HIPK2: variants seen among roughly 807,000 people sequenced by gnomAD.
HIPK2 encodes the protein homeodomain-interacting protein kinase 2.
In HIPK2, 27 loss-of-function variants were observed where a neutral mutation model predicts 113.7. The ratio of observed to expected loss-of-function variants is 0.24; its 90% confidence interval spans 0.17 to 0.33. The LOEUF is 0.33. HIPK2 is among the 10% of genes least tolerant of loss of function. The pLI is 1.00. For synonymous variants in HIPK2, 631 were observed against 642.2 expected, an observed-to-expected ratio of 0.98 and a Z score of 0.26; for missense variants, 1,257 against 1,588.0, an observed-to-expected ratio of 0.79 and a Z score of 3.54.
At chr7:139,594,557 T>C (rs991751074) in intron 12 of HIPK2, among the ~76,000 whole-genome samples, 1 of 152,354 alleles carries the variant, frequency 6.6e-6, no homozygotes, top group Admixed American at 6.5e-5. Flanking sequence ...TGTTTTATCC[T>C]ACTCAGACTC....
intron 12 of HIPK2, among the ~76,000 whole-genome samples, chr7:139,589,293 G>C (rs188989043): frequency 3.7e-4 from 57 of 152,216 alleles, no homozygotes; most frequent in African/African-American, 9.1e-4. Flanking sequence ...CCCTAATCTG[G>C]AGAGGAAAGA....
In HIPK2 at chr7:139,592,914, T is replaced by C. The variant is rs556780735; in HGVS notation, c.2717+3803A>G. 1.1e-4 allele frequency among the ~76,000 whole-genome samples: 17 copies of C among 152,336 alleles called. No homozygotes were observed. In the South Asian group the frequency reaches 3.3e-3, roughly 30 times the overall value. On this transcript the variant is annotated intron_variant, in intron 12 of 14. Transcript: ENST00000406875. Reference sequence around the variant, plus strand: ...AGTAATTCACTGAAAAGGAGTTCCCTGGCTCTTCCCTGCCCTTCTTACTTT... The same window carrying C: ...AGTAATTCACTGAAAAGGAGTTCCCCGGCTCTTCCCTGCCCTTCTTACTTT...
intron 1 of HIPK2, among the ~76,000 whole-genome samples, chr7:139,772,765 T>TTG (rs1554460156): frequency 5.3e-5 from 8 of 151,626 alleles, no homozygotes; most frequent in African/African-American, 1.9e-4. Flanking sequence ...TTTTTTTTTT[T>TTG]TTGTATTTTT....
intron 2 of HIPK2, among the ~76,000 whole-genome samples, chr7:139,691,226 G>A (rs1050083396): frequency 3.9e-5 from 6 of 152,154 alleles, no homozygotes; most frequent in Non-Finnish European, 8.8e-5. Flanking sequence ...TGGTTTATAT[G>A]TCTCTATAGT....
intron 1 of HIPK2, among the ~76,000 whole-genome samples, chr7:139,757,581 T>C (rs1441997812): frequency 6.6e-6 from 1 of 152,164 alleles, no homozygotes; most frequent in Admixed American, 6.5e-5. Context: ...TGGATGAACC[T>C]TGATAACAAG....
chr7:139,695,248 C>T (rs957964077), intron 2 of HIPK2, among the ~76,000 whole-genome samples: 22 of 152,340 alleles, frequency 1.4e-4, no homozygotes, highest in Admixed American at 2.0e-4. Context: ...AGGCTGCTTG[C>T]GGGCCGATTC....
intron 6 of HIPK2, among the ~76,000 whole-genome samples, chr7:139,622,588 C>G (rs1352761617): frequency 6.6e-6 from 1 of 152,180 alleles, no homozygotes; most frequent in Non-Finnish European, 1.5e-5. Flanking sequence ...AAATTGTGCA[C>G]TGGAATCCTG....
chr7:139,645,828 G>A (rs778672138), intron 2 of HIPK2, among the ~76,000 whole-genome samples: 7 of 152,154 alleles, frequency 4.6e-5, no homozygotes, highest in Non-Finnish European at 7.3e-5. Context: ...CAGCACTCCT[G>A]GTTAGGACCT....
intron 13 of HIPK2, chr7:139,583,493 C>A: frequency 3.6e-6 from 1 of 275,236 alleles, no homozygotes; most frequent in Non-Finnish European, 7.0e-6. Context: ...CAGGAACTCC[C>A]CAGACCAGGT....
intron 1 of HIPK2, among the ~76,000 whole-genome samples, chr7:139,739,983 TCC>T (rs1796052322): frequency 6.6e-6 from 1 of 152,228 alleles, no homozygotes; most frequent in African/African-American, 2.4e-5. Context: ...GGGCTGCTTC[TCC>T]TTTTCGCTGC....
intron 9 of HIPK2, among the ~76,000 whole-genome samples, chr7:139,605,361 C>G (rs897154198): frequency 2.0e-5 from 3 of 152,034 alleles, no homozygotes; most frequent in Non-Finnish European, 4.4e-5. Context: ...AAGTTGGACA[C>G]TTAAAGCATA....
chr7:139,652,928 A>G (rs1048447518), intron 2 of HIPK2, among the ~76,000 whole-genome samples: 1 of 152,012 alleles, frequency 6.6e-6, no homozygotes, highest in African/African-American at 2.4e-5. Flanking sequence ...GGATCATTTG[A>G]GGTCAGGAGT....
intron 9 of HIPK2, among the ~76,000 whole-genome samples, chr7:139,608,740 G>C (rs28380464): frequency 0.25 from 38,209 of 152,024 alleles, 6,869 homozygotes; most frequent in African/African-American, 0.52. Context: ...TATTCTCTAA[G>C]AATATCAGGT....
intron 1 of HIPK2, among the ~76,000 whole-genome samples, chr7:139,732,845 A>G (rs950971290): frequency 7.1e-6 from 1 of 140,086 alleles, no homozygotes; most frequent in Admixed American, 7.2e-5. Context: ...GTGTGTGTGT[A>G]TAAAATAGTG....
At chr7:139,668,613 G>GTGTC (rs1802145538) in intron 2 of HIPK2, among the ~76,000 whole-genome samples, 1 of 152,020 alleles carries the variant, frequency 6.6e-6, no homozygotes, top group African/African-American at 2.4e-5. Context: ...ATTTAACTGG[G>GTGTC]TGTCTGGTGA....
chr7:139,695,784 G>A (rs966065316), intron 2 of HIPK2, among the ~76,000 whole-genome samples: 7 of 152,212 alleles, frequency 4.6e-5, no homozygotes, highest in Non-Finnish European at 1.0e-4. Flanking sequence ...ACTCAGGGAT[G>A]AAATGGCTAC....
At chr7:139,704,845 T>C (rs1378165270) in intron 2 of HIPK2, among the ~76,000 whole-genome samples, 1 of 152,078 alleles carries the variant, frequency 6.6e-6, no homozygotes. Flanking sequence ...ACTACAGGAC[T>C]CTAGCGTTGC....
At position 139,626,875 on chromosome 7, in the gene HIPK2, C is replaced by A. The variant is rs1800451054; in HGVS notation, c.1435-90G>T. 5 of 1,416,944 alleles carry A rather than the reference C, an allele frequency of 3.5e-6. No homozygotes were observed. The Admixed American group carries it at 6.9e-5, about 20-fold the overall frequency. 87.8% of individuals were successfully genotyped at this position (1,416,944 alleles called of 1,614,324 possible). A position where few individuals can be genotyped will look rare whatever the true frequency, so the allele number is the denominator to read the frequency against. On this transcript the variant is annotated intron_variant, in intron 5 of 14. Coordinates refer to ENST00000406875, the MANE Select transcript of HIPK2 (RefSeq NM_022740.5). ...CTTATTTTTTGCCCTGTAACTTCCT[C>A]CTGATCTCTCAAGCCCCCTTTCTCA...
chr7:139,639,270 T>C (rs951897370), intron 2 of HIPK2, among the ~76,000 whole-genome samples: 4 of 152,192 alleles, frequency 2.6e-5, no homozygotes, highest in African/African-American at 4.8e-5. Flanking sequence ...AAAATGTTTC[T>C]TTTCATCCAG....
Sources: gnomAD v4.1 joint callset for allele counts (sites outside exome capture counted in the v4.1 genomes callset) on GRCh38, gnomAD v4.1.1 for gene constraint, MANE v1.5 for transcripts, NCBI Gene and HGNC (gene_info 2026-07-23, HGNC 2026-07-21) for gene names.